Variants in QRICH1 observed in about 807,000 individuals in gnomAD.
QRICH1 encodes glutamine rich 1, also known as transcriptional regulator QRICH1.
Under a neutral mutation model 87.1 loss-of-function variants are expected in QRICH1, and 16 were observed. The observed-to-expected ratio is 0.18, with a 90% CI of 0.12 to 0.28. The LOEUF (loss-of-function observed/expected upper bound fraction) is 0.28, where lower values mean the gene tolerates loss of function less well. Among genes scored for constraint, QRICH1 ranks in the 10% least tolerant of loss-of-function variants. QRICH1 has a pLI of 1.00. For missense variants in QRICH1, 647 were observed against 951.7 expected (o/e 0.68, Z 4.21); for synonymous variants, 367 against 368.4 (o/e 1.00, Z 0.05).
intron 3 of QRICH1, among the ~76,000 whole-genome samples, chr3:49,055,351 C>T (rs1007924190): frequency 6.6e-6 from 1 of 152,026 alleles, no homozygotes; most frequent in Admixed American, 6.6e-5. Context: ...GACCAGAGGC[C>T]CTATATCCCA....
At chr3:49,039,993 G>A (rs1213872944) in intron 6 of QRICH1, among the ~76,000 whole-genome samples, 7 of 150,494 alleles carry the variant, frequency 4.7e-5, no homozygotes, top group Non-Finnish European at 7.5e-5. Context: ...CCCCAGAGGC[G>A]GAGGTTGAAG....
chr3:49,070,375 C>T (rs1028429660), intron 2 of QRICH1, among the ~76,000 whole-genome samples: 1 of 151,868 alleles, frequency 6.6e-6, no homozygotes, highest in Non-Finnish European at 1.5e-5. Context: ...TCTCTTTTAT[C>T]AATTTCTTAG....
chr3:49,076,722 G>T lies in QRICH1; in HGVS notation c.296C>A (p.Pro99Gln). The T allele has an allele frequency of 1.3e-6, 2 of 1,574,644 alleles. No individual in the cohort carries two copies. The highest frequency in any genetic ancestry group is 1.7e-6 in the Non-Finnish European group (2 of 1,155,424). The part of the protein sequence containing the change: ...QQEQQIQVQQ[P>Q]QQVQVQVQVQ... ...TTTCCCATATACCTGAACCTGCTGC[G>T]GCTGCTGAACCTGGATCTGCTGTTC... Residue 99 changes from proline (P) to glutamine (Q), a missense_variant, in exon 2 of 10, where the codon CCG becomes CAG. Pro to Gln is a moderately conservative substitution (Grantham distance 76, BLOSUM62 -1). Around this residue, in one of 7 missense-constraint regions of QRICH1, gnomAD observed 156 missense variants for 164.5 expected, o/e 0.95. Coordinates refer to ENST00000395443, the MANE Select transcript of QRICH1 (RefSeq NM_198880.3).
At chr3:49,043,969 GT>G (rs1009571301) in intron 6 of QRICH1, among the ~76,000 whole-genome samples, 1 of 152,158 alleles carries the variant, frequency 6.6e-6, no homozygotes, top group Non-Finnish European at 1.5e-5. Context: ...CCAAGACCAT[GT>G]TTTTTTAAGA....
intron 7 of QRICH1, 32 bp from the exon 8 acceptor site, chr3:49,032,805 A>C: frequency 6.3e-7 from 1 of 1,592,790 alleles, no homozygotes; most frequent in Non-Finnish European, 8.5e-7. Flanking sequence ...AGGCAGAGGG[A>C]GGGGTGCCGG....
chr3:49,045,631 A>T (rs767586555), intron 5 of QRICH1, among the ~76,000 whole-genome samples: 3 of 150,864 alleles, frequency 2.0e-5, no homozygotes, highest in Non-Finnish European at 3.0e-5. Context: ...ACAGGGTCTC[A>T]CTCTGTCACC....
chr3:49,046,325 T>C (rs1034148401), intron 5 of QRICH1, 100 bp downstream of exon 5: 19 of 1,297,280 alleles, frequency 1.5e-5, no homozygotes, highest in Admixed American at 2.5e-5. Flanking sequence ...AAAGAGAACT[T>C]CCTTATTTTA....
At chr3:49,094,241 G>A (rs1228600411), upstream of QRICH1, 3 of 382,096 alleles carry the variant, frequency 7.9e-6, no homozygotes, top group Non-Finnish European at 1.4e-5. Context: ...CTCCGCCCAT[G>A]GACGCCTCTC....
chr3:49,052,841 C>T (rs999580359), intron 3 of QRICH1, among the ~76,000 whole-genome samples: 1 of 152,094 alleles, frequency 6.6e-6, no homozygotes, highest in Non-Finnish European at 1.5e-5. Context: ...GGCCTTGTCA[C>T]TTAATCTCTC....
At chr3:49,079,565 C>T (rs952647711) in intron 1 of QRICH1, among the ~76,000 whole-genome samples, 11 of 150,724 alleles carry the variant, frequency 7.3e-5, no homozygotes, top group Admixed American at 6.6e-4. Flanking sequence ...AAGTGGTCAA[C>T]GATGTCCACA....
At chr3:49,090,808 A>C (rs952416684) in intron 1 of QRICH1, among the ~76,000 whole-genome samples, 1 of 152,212 alleles carries the variant, frequency 6.6e-6, no homozygotes, top group Non-Finnish European at 1.5e-5. Context: ...CATCAATTTA[A>C]TAACAGAAAT....
intron 3 of QRICH1, among the ~76,000 whole-genome samples, chr3:49,052,966 A>G (rs955115082): frequency 2.0e-5 from 3 of 152,346 alleles, no homozygotes; most frequent in Non-Finnish European, 4.4e-5. Context: ...GGCAGATAGT[A>G]TCAGTGATTA....
At chr3:49,044,607 C>G in intron 5 of QRICH1, 103 bp from the exon 6 acceptor site, 1 of 769,700 alleles carries the variant, frequency 1.3e-6, no homozygotes, top group Non-Finnish European at 2.1e-6. Flanking sequence ...CTTCCCTACC[C>G]ATTCACACCT....
intron 2 of QRICH1, among the ~76,000 whole-genome samples, chr3:49,059,040 C>T (rs2093419488): frequency 6.6e-6 from 1 of 151,044 alleles, no homozygotes; most frequent in Non-Finnish European, 1.5e-5. Context: ...CAGCTCACTG[C>T]AAGCTCCGCC....
At chr3:49,079,323 G>A (rs2042012705) in intron 1 of QRICH1, among the ~76,000 whole-genome samples, 2 of 151,988 alleles carry the variant, frequency 1.3e-5, no homozygotes, top group South Asian at 4.1e-4. Context: ...TCAGGAGGCT[G>A]AGGTGGAGGA....
intron 1 of QRICH1, among the ~76,000 whole-genome samples, chr3:49,081,506 T>C (rs2042059056): frequency 6.6e-6 from 1 of 152,040 alleles, no homozygotes; most frequent in Non-Finnish European, 1.5e-5. Flanking sequence ...TGATTTTTTG[T>C]TGTTGGTTTC....
chr3:49,091,933 G>T (rs951376688), intron 1 of QRICH1, among the ~76,000 whole-genome samples: 1 of 152,096 alleles, frequency 6.6e-6, no homozygotes, highest in African/African-American at 2.4e-5. Context: ...TTAGCCAGGT[G>T]TGGTGCTGCA....
intron 6 of QRICH1, among the ~76,000 whole-genome samples, chr3:49,043,431 T>C (rs2093321867): frequency 7.5e-6 from 1 of 133,462 alleles, no homozygotes; most frequent in Admixed American, 8.5e-5. Context: ...GGGAGGTGGA[T>C]GCTGCAGTGA....
chr3:49,062,404 G>A (rs1221337890), intron 2 of QRICH1, among the ~76,000 whole-genome samples: 1 of 130,272 alleles, frequency 7.7e-6, no homozygotes, highest in East Asian at 2.5e-4. Context: ...GTAAAGTCTT[G>A]CCCTGTTGCC....
Sources: allele counts gnomAD v4.1 joint callset (sites outside exome capture counted in the v4.1 genomes callset), GRCh38; gene constraint gnomAD v4.1.1; regional missense constraint gnomAD v4.1.1; transcripts MANE v1.5; gene names NCBI Gene and HGNC (gene_info 2026-07-23, HGNC 2026-07-21).